RPL18: variants seen among roughly 807,000 people sequenced by gnomAD.
RPL18 encodes the protein ribosomal protein L18.
In RPL18, 4 loss-of-function variants were observed where a neutral mutation model predicts 25.0. The observed-to-expected ratio is 0.16, with a 90% CI of 0.08 to 0.37. RPL18 has a LOEUF of 0.37. RPL18 is among the 10% of genes least tolerant of loss of function. The pLI is 1.00. For synonymous variants in RPL18, 129 were observed against 101.6 expected (o/e 1.27, Z -1.62); for missense variants, 179 against 267.9 (o/e 0.67, Z 2.32).
chr19:48,616,052 C>G (rs777831730), intron 5 of RPL18, 27 bp downstream of exon 5: 5 of 1,614,070 alleles, frequency 3.1e-6, no homozygotes, highest in East Asian at 4.5e-5. Context: ...CAGCTCAGTC[C>G]AAACCCGTCG....
rs374788995 is a variant in RPL18 at position 48,615,957 on chromosome 19, G to C, written c.422-11C>G. The stretch of plus-strand genomic sequence containing the variant: ...GGCCCTTGCGAGGACCTAGGGAAGG[G>C]GAAGGAGAACCGGGTGAGACAGGGA... On this transcript the variant is annotated splice_polypyrimidine_tract_variant and intron_variant, in intron 5 of 6. Transcript: ENST00000549920. 6.8e-6 allele frequency: 11 copies of C among 1,614,070 alleles called. No homozygotes were observed. In the South Asian group the frequency reaches 1.1e-4, roughly 16 times the overall value.
chr19:48,617,082 GA>G, intron 3 of RPL18: 1 of 703,872 alleles, frequency 1.4e-6, no homozygotes, highest in Non-Finnish European at 2.6e-6. Context: ...GCAATCTCCT[GA>G]AGCCACCAGG....
intron 1 of RPL18, 92 bp downstream of exon 1, chr19:48,619,049 G>T: frequency 7.2e-7 from 1 of 1,386,102 alleles, no homozygotes; most frequent in Non-Finnish European, 1.0e-6. Flanking sequence ...GGCAGCCGCA[G>T]ACCCCCTGCC....
At chr19:48,617,717 C>T in intron 2 of RPL18, 74 bp downstream of exon 2, 1 of 1,181,634 alleles carries the variant, frequency 8.5e-7, no homozygotes. Context: ...GAGCTTGGTG[C>T]CAGCACTAGA....
rs2147656736 is a variant in RPL18, at chr19:48,617,319, C to T, written c.195G>A (p.Arg65=). Reference sequence around the variant, plus strand: ...GCTCTCTGGACCAGCCACTCACCATCCGGGAAAGGGACAGAGGCGGCCGGT... The same window carrying T: ...GCTCTCTGGACCAGCCACTCACCATTCGGGAAAGGGACAGAGGCGGCCGGT... ...RTNRPPLSLS[R]MIRKMKLPGR... Residue 65 remains arginine, a synonymous_variant, in exon 3 of 7, where the codon CGG becomes CGA. Coordinates refer to ENST00000549920, the MANE Select transcript of RPL18 (RefSeq NM_000979.4). 3.7e-6 allele frequency: 6 copies of T among 1,613,674 alleles called. 1 individual carries two copies. The highest frequency in any genetic ancestry group is 2.2e-5 in the East Asian group (1 of 44,880).
intron 3 of RPL18, 191 bp from the exon 4 acceptor site, chr19:48,617,015 G>A (rs980276448): frequency 5.7e-6 from 4 of 702,786 alleles, no homozygotes; most frequent in African/African-American, 5.2e-5. Flanking sequence ...AATGCAGACT[G>A]TTCAATAGGG....
intron 6 of RPL18, 136 bp downstream of exon 6, chr19:48,615,741 G>A: frequency 1.3e-6 from 1 of 783,992 alleles, no homozygotes; most frequent in Non-Finnish European, 2.1e-6. Context: ...AAAGCAGGCA[G>A]GATGAGGCAG....
chr19:48,618,870 G>A (rs917912946), intron 1 of RPL18: 26 of 536,502 alleles, frequency 4.8e-5, no homozygotes, highest in Non-Finnish European at 8.6e-5. Context: ...CAGCCACCTG[G>A]GTCGGAATCC....
intron 3 of RPL18, 126 bp downstream of exon 3, chr19:48,617,190 C>T (rs756404139): frequency 2.2e-5 from 18 of 822,372 alleles, no homozygotes; most frequent in Middle Eastern, 2.2e-4. Flanking sequence ...GCTCTACGCT[C>T]GCGACTGGCT....
chr19:48,619,169 CCGGAAAGAGAGAA>C, exon 1 of RPL18: 1 of 1,580,382 alleles, frequency 6.3e-7, no homozygotes, highest in Non-Finnish European at 8.6e-7. Context: ...TCGGCCAGGT[CCGGAAAGAGAGAA>C]CGGGCTGGGG....
chr19:48,618,997 GC>G, intron 1 of RPL18, 143 bp downstream of exon 1: 7 of 830,198 alleles, frequency 8.4e-6, no homozygotes, highest in South Asian at 1.6e-5. Context: ...TGCTTTCCTG[GC>G]CCCCAGAGTA....
At position 48,615,862 on chromosome 19, in the gene RPL18, G is replaced by C. The variant is rs368592951; in HGVS notation, c.491+15C>G. On this transcript the variant is annotated intron_variant, in intron 6 of 6. Transcript: ENST00000549920. ...GAGTCTGGGGAGAGGGCAGGGCTGGGGGCCTGATACTCACTTGGTGTGGCT... is the reference window on the plus strand; with the variant it reads ...GAGTCTGGGGAGAGGGCAGGGCTGGCGGCCTGATACTCACTTGGTGTGGCT... The C allele has an allele frequency of 6.2e-7, 1 of 1,601,800 alleles. No individual in the cohort carries two copies.
At chr19:48,618,050 G>C in intron 1 of RPL18, 173 bp from the exon 2 acceptor site, 1 of 571,504 alleles carries the variant, frequency 1.7e-6, no homozygotes, top group Non-Finnish European at 3.1e-6. Context: ...TGTAAAAAGG[G>C]GCTGTTTACA....
In RPL18 at chr19:48,617,852, T is replaced by C. The variant is rs1422877211; in HGVS notation, c.29A>G (p.Asp10Gly). The C allele has an allele frequency of 1.9e-6, 3 of 1,614,004 alleles. No homozygotes were observed. The highest frequency in any genetic ancestry group is 2.5e-6 in the Non-Finnish European group (3 of 1,179,992). Residue 10 changes from aspartate to glycine, a missense_variant, in exon 2 of 7, where the codon GAC becomes GGC. Asp to Gly is a moderately conservative substitution (Grantham distance 94). Coordinates refer to ENST00000549920, the MANE Select transcript of RPL18 (RefSeq NM_000979.4). MGVDIRHNK[D>G]RKVRRKEPKS... ...GGGCTCCTTGCGCCGAACCTTTCGG[T>C]CCTTGTTATGGCGGATGTCCACTCC...
chr19:48,617,949 CTG>C, intron 1 of RPL18, 72 bp from the exon 2 acceptor site: 1 of 1,216,698 alleles, frequency 8.2e-7, no homozygotes, highest in African/African-American at 1.5e-5. Flanking sequence ...ATTTCTGAAA[CTG>C]AGAGCTGGGA....
In RPL18 at chr19:48,617,441, C is replaced by CA; in HGVS notation, c.91-19dup. 1 of 1,583,274 alleles carries CA rather than the reference C, an allele frequency of 6.3e-7. No homozygotes were observed. Among genetic ancestry groups the CA allele is most frequent in the Non-Finnish European group, 8.7e-7 (1 of 1,152,490 alleles). On this transcript the variant is annotated intron_variant, in intron 2 of 6. Coordinates refer to ENST00000549920, the MANE Select transcript of RPL18 (RefSeq NM_000979.4). Reference sequence around the variant, plus strand: ...CTGTATAACTGGAGGGACGGGAAGACAGTGAGAAGCTGGGACAGCCTGCTC... The same window carrying CA: ...CTGTATAACTGGAGGGACGGGAAGACAAGTGAGAAGCTGGGACAGCCTGCTC...
At chr19:48,616,658 A>G in intron 4 of RPL18, 68 bp downstream of exon 4, 1 of 1,077,154 alleles carries the variant, frequency 9.3e-7, no homozygotes, top group Non-Finnish European at 1.4e-6. Flanking sequence ...ACAGCACAGC[A>G]CAGCACAGCA....
intron 2 of RPL18, 125 bp from the exon 3 acceptor site, chr19:48,617,548 C>G (rs1974214021): frequency 2.5e-6 from 2 of 798,988 alleles, no homozygotes; most frequent in Non-Finnish European, 4.1e-6. Context: ...AACCCACCGA[C>G]CTAGAGGGAG....
rs568080288 is a variant in RPL18 at position 48,617,875 on chromosome 19, T to C, written c.6A>G (p.Gly2=). The change falls in exon 2 of 7, where the codon GGA becomes GGG. Residue 2 remains glycine (G), a splice_region_variant and synonymous_variant. Coordinates refer to ENST00000549920, the MANE Select transcript of RPL18 (RefSeq NM_000979.4). ...GGTCCTTGTTATGGCGGATGTCCACTCCCTGTGGGGGTGAAGAGGCAACCA... is the reference window on the plus strand; with the variant it reads ...GGTCCTTGTTATGGCGGATGTCCACCCCCTGTGGGGGTGAAGAGGCAACCA... M[G]VDIRHNKDRK... 3.5e-4 allele frequency: 561 copies of C among 1,613,024 alleles called. 5 individuals are homozygous for C. The South Asian group carries it at 5.9e-3, about 17-fold the overall frequency.
Sources: gnomAD v4.1 joint callset for allele counts on GRCh38, gnomAD v4.1.1 for gene constraint, MANE v1.5 for transcripts, NCBI Gene and HGNC (gene_info 2026-07-23, HGNC 2026-07-21) for gene names.